The following IKZF1 variants were observed in gnomAD, a reference collection of about 807,000 sequenced individuals.
IKZF1 encodes the protein IKAROS family zinc finger 1.
Under a neutral mutation model 51.7 loss-of-function variants are expected in IKZF1, and 10 were observed. That is an observed-to-expected ratio of 0.19 (90% CI 0.12 to 0.33). The LOEUF (loss-of-function observed/expected upper bound fraction) is 0.33, where lower values mean the gene tolerates loss of function less well. Among genes scored for constraint, IKZF1 ranks in the 10% least tolerant of loss-of-function variants. The probability of loss-of-function intolerance (pLI) is 1.00; values close to 1 mark genes in which losing one functional copy is unlikely to be tolerated. For missense variants in IKZF1, 484 were observed against 707.5 expected (o/e 0.68, Z 3.58); for synonymous variants, 280 against 282.3 (o/e 0.99, Z 0.08).
At chr7:50,319,463 G>T (rs908229936) in intron 2 of IKZF1, among the ~76,000 whole-genome samples, 2 of 152,120 alleles carry the variant, frequency 1.3e-5, no homozygotes, top group African/African-American at 4.8e-5. Flanking sequence ...AAACATAATT[G>T]TTGGGCACAG....
intron 7 of IKZF1, among the ~76,000 whole-genome samples, chr7:50,398,955 A>T (rs574261146): frequency 6.6e-6 from 1 of 152,318 alleles, no homozygotes; most frequent in South Asian, 2.1e-4. Flanking sequence ...GTATTAAGAT[A>T]TTTACTCCAA....
chr7:50,374,832 T>C (rs1286843509), intron 3 of IKZF1, among the ~76,000 whole-genome samples: 1 of 152,224 alleles, frequency 6.6e-6, no homozygotes, highest in Non-Finnish European at 1.5e-5. Context: ...AGACCAGGTA[T>C]TTTTATTTCA....
chr7:50,395,349 C>T (rs750670362), intron 7 of IKZF1, among the ~76,000 whole-genome samples: 29 of 152,140 alleles, frequency 1.9e-4, no homozygotes, highest in African/African-American at 5.5e-4. Context: ...ACTAGAGAAG[C>T]GGCTTATTTT....
intron 2 of IKZF1, among the ~76,000 whole-genome samples, chr7:50,324,258 C>T (rs909649556): frequency 6.6e-6 from 1 of 152,178 alleles, no homozygotes; most frequent in Non-Finnish European, 1.5e-5. Context: ...GGTACAGAGG[C>T]TCACGTGAGG....
chr7:50,373,125 T>C (rs977829107), intron 3 of IKZF1, among the ~76,000 whole-genome samples: 6 of 152,240 alleles, frequency 3.9e-5, no homozygotes, highest in Non-Finnish European at 7.3e-5. Context: ...GCAGCATCCA[T>C]TGTGGGCTTT....
Position 50,403,156 on chromosome 7 carries a change from G to A in IKZF1, c.*2529G>A. 9.1e-6 allele frequency: 2 copies of A among 219,366 alleles called. No homozygotes were observed. The highest frequency in any genetic ancestry group is 6.7e-5 in the East Asian group (1 of 14,924). 13.6% of individuals were successfully genotyped at this position (219,366 alleles called of 1,614,324 possible). On this transcript the variant is annotated 3_prime_UTR_variant, in exon 8 of 8. Transcript: ENST00000331340. ...ATAAATGTCTCTTTGCACACCTTTTGTTGTGGTTTTATATTGTAACACCAT... is the reference window on the plus strand; with the variant it reads ...ATAAATGTCTCTTTGCACACCTTTTATTGTGGTTTTATATTGTAACACCAT...
Position 50,370,069 on chromosome 7 carries a change from A to C in IKZF1, c.161-6464A>C, listed in dbSNP as rs145541181. On this transcript the variant is annotated intron_variant, in intron 3 of 7. Coordinates refer to ENST00000331340, the MANE Select transcript of IKZF1 (RefSeq NM_006060.6). ...TTACCGTGATTCAAGATATATCTTA[A>C]ATATTTCCATTTCATTTGATTTTTA... Among the ~76,000 whole-genome samples the C allele has an allele frequency of 1.8e-3, 271 of 152,252 alleles. 4 individuals carry two copies. Among genetic ancestry groups the C allele is most frequent in the African/African-American group, 6.5e-3 (268 of 41,540 alleles).
intron 7 of IKZF1, among the ~76,000 whole-genome samples, chr7:50,395,429 A>G (rs1210763545): frequency 1.3e-5 from 2 of 151,902 alleles, no homozygotes; most frequent in East Asian, 3.8e-4. Context: ...GTACTATGAA[A>G]AACATTAAGA....
rs1238222210 is a variant in IKZF1, at chr7:50,335,364, ATGTGTGG to A, written c.160+7620_160+7626del. 5.6e-3 allele frequency among the ~76,000 whole-genome samples: 649 copies of A among 116,392 alleles called. 2 individuals carry two copies. The highest frequency in any genetic ancestry group is 9.3e-3 in the Non-Finnish European group (534 of 57,524). The allele number at this position is 116,392 out of a possible 152,430, so 76.4% of individuals were successfully genotyped here. A position where few individuals can be genotyped will look rare whatever the true frequency, so the allele number is the denominator to read the frequency against. On this transcript the variant is annotated intron_variant, in intron 3 of 7. Transcript: ENST00000331340. ...GGTGTGTTGTGTATGTGTGTGTGGG[ATGTGTGG>A]TGTGTGGTGTGTATGTGTGTATGGG...
intron 4 of IKZF1, among the ~76,000 whole-genome samples, chr7:50,378,292 C>T (rs151167460): frequency 6.6e-6 from 1 of 152,326 alleles, no homozygotes; most frequent in African/African-American, 2.4e-5. Flanking sequence ...CTAATGGCCC[C>T]TTTATCCTCA....
In IKZF1 at chr7:50,400,526, C is replaced by G. The variant is rs777225598; in HGVS notation, c.1459C>G (p.Arg487Gly). The G allele has an allele frequency of 6.2e-7, 1 of 1,613,954 alleles. No individual in the cohort carries two copies. The highest frequency in any genetic ancestry group is 1.3e-5 in the African/African-American group (1 of 74,930). The change falls in exon 8 of 8, where the codon CGT (arginine) becomes GGT (glycine). Residue 487 changes from arginine (R) to glycine (G), a missense_variant. By Grantham distance (125) the Arg-to-Gly change is moderately radical. Coordinates refer to ENST00000331340, the MANE Select transcript of IKZF1 (RefSeq NM_006060.6). This position sits in a 1 kb window ranked among gnomAD's most constrained non-coding sequence, Gnocchi z 5.4. ...YTIHMGCHGF[R>G]DPFECNMCGY... ...CATCCACATGGGCTGCCACGGCTTC[C>G]GTGATCCTTTTGAGTGCAACATGTG...
At chr7:50,337,990 G>A (rs934631201) in intron 3 of IKZF1, among the ~76,000 whole-genome samples, 14 of 152,086 alleles carry the variant, frequency 9.2e-5, no homozygotes, top group African/African-American at 1.4e-4. Context: ...CTTCCCACTC[G>A]TAAGAGCTTT....
At chr7:50,367,966 G>A in intron 3 of IKZF1, 1 of 649,840 alleles carries the variant, frequency 1.5e-6, no homozygotes, top group South Asian at 1.8e-5. Context: ...CTCTCTCCTG[G>A]TATCACAACC....
At chr7:50,362,066 A>G (rs1781797354) in intron 3 of IKZF1, among the ~76,000 whole-genome samples, 1 of 152,288 alleles carries the variant, frequency 6.6e-6, no homozygotes, top group Non-Finnish European at 1.5e-5. Context: ...CAAAAATAGG[A>G]CTGGTGCCTA....
chr7:50,333,949 T>A (rs1193710098), intron 3 of IKZF1, among the ~76,000 whole-genome samples: 3 of 152,228 alleles, frequency 2.0e-5, no homozygotes, highest in Non-Finnish European at 4.4e-5. Flanking sequence ...TTTTTCAAAT[T>A]TCCCAAACAT....
chr7:50,331,188 T>C (rs1796368737), intron 3 of IKZF1, among the ~76,000 whole-genome samples: 3 of 152,052 alleles, frequency 2.0e-5, no homozygotes, highest in Admixed American at 6.5e-5. Context: ...AATGAAGCTA[T>C]CGTAGCTTCA....
upstream of IKZF1, chr7:50,304,499 G>A (rs1418544512): frequency 2.7e-5 from 4 of 150,018 alleles, no homozygotes; most frequent in African/African-American, 4.9e-5. Flanking sequence ...ACGCAAGGGC[G>A]CGGCGGGGGC....
intron 3 of IKZF1, among the ~76,000 whole-genome samples, chr7:50,347,756 A>G (rs760238207): frequency 1.3e-5 from 2 of 152,230 alleles, no homozygotes; most frequent in Non-Finnish European, 2.9e-5. Flanking sequence ...CGCGTGTCAC[A>G]TGATTCCACA....
chr7:50,360,033 G>T (rs1045934520), intron 3 of IKZF1, among the ~76,000 whole-genome samples: 1 of 152,176 alleles, frequency 6.6e-6, no homozygotes, highest in Non-Finnish European at 1.5e-5. Context: ...GTGCAGGACT[G>T]TACCCATGGC....
Sources: allele counts gnomAD v4.1 joint callset (sites outside exome capture counted in the v4.1 genomes callset), GRCh38; gene constraint gnomAD v4.1.1; non-coding constraint Gnocchi (gnomAD v3.1); transcripts MANE v1.5; gene names NCBI Gene and HGNC (gene_info 2026-07-23, HGNC 2026-07-21).